PHB1: variants seen among roughly 807,000 people sequenced by gnomAD.
PHB1 encodes epididymis luminal protein 215.
chr17:49,413,480 TG>T, the PHB1 span, among the ~76,000 whole-genome samples: 1 of 119,572 alleles, frequency 8.4e-6, no homozygotes, highest in Non-Finnish European at 1.7e-5. Flanking sequence ...TCAATTCTTC[TG>T]CTTTTTTTTT....
the PHB1 span, chr17:49,405,309 G>A: frequency 1.1e-6 from 1 of 931,558 alleles, no homozygotes; most frequent in South Asian, 1.6e-5. Flanking sequence ...GCTCCTGAAG[G>A]AACTCGGGGA....
chr17:49,408,977 T>G, the PHB1 span: 4 of 981,136 alleles, frequency 4.1e-6, no homozygotes, highest in Non-Finnish European at 6.2e-6. Context: ...TACCCAGAAA[T>G]GGAGCCAGGC....
At chr17:49,409,591 G>T in the PHB1 span, 1 of 773,638 alleles carries the variant, frequency 1.3e-6, no homozygotes, top group East Asian at 2.8e-5. Context: ...GCCTAGGCTG[G>T]AGTACAATGG....
the PHB1 span, among the ~76,000 whole-genome samples, chr17:49,413,524 T>C: frequency 0.02 from 3,093 of 151,024 alleles, 113 homozygotes; most frequent in African/African-American, 0.072. Flanking sequence ...TTTTTTTTTT[T>C]TGGAGACAGG....
the PHB1 span, chr17:49,408,952 G>A: frequency 2.6e-6 from 2 of 761,228 alleles, no homozygotes; most frequent in Non-Finnish European, 4.5e-6. Context: ...GCAGAAGGGA[G>A]GACCTAATAG....
At chr17:49,409,533 T>A in the PHB1 span, 1 of 1,099,038 alleles carries the variant, frequency 9.1e-7, no homozygotes, top group Non-Finnish European at 1.2e-6. Flanking sequence ...AAAACAAGTG[T>A]TTTTTTTTTG....
the PHB1 span, chr17:49,412,776 GTCACCC>G: frequency 6.1e-6 from 1 of 164,296 alleles, no homozygotes; most frequent in African/African-American, 2.4e-5. Context: ...TCAGGACAAG[GTCACCC>G]AAACAGATCT....
the PHB1 span, among the ~76,000 whole-genome samples, chr17:49,406,249 G>A: frequency 6.6e-6 from 1 of 152,178 alleles, no homozygotes; most frequent in South Asian, 2.1e-4. Context: ...CTGGTGGTGG[G>A]AAGAAGGGGA....
chr17:49,408,536 C>T, the PHB1 span, among the ~76,000 whole-genome samples: 9,546 of 152,286 alleles, frequency 0.063, 674 homozygotes, highest in African/African-American at 0.17. Flanking sequence ...TGTCCCTTGC[C>T]CCCTATACCA....
At chr17:49,407,738 A>G in the PHB1 span, among the ~76,000 whole-genome samples, 1 of 152,216 alleles carries the variant, frequency 6.6e-6, no homozygotes, top group Non-Finnish European at 1.5e-5. Context: ...TTAAAAAAGC[A>G]GCTCCAAACT....
At chr17:49,409,259 GC>G in the PHB1 span, 1 of 1,601,166 alleles carries the variant, frequency 6.2e-7, no homozygotes, top group Middle Eastern at 1.7e-4. Context: ...CCACTGCCAA[GC>G]GCTTCCTGCC....
chr17:49,413,368 C>CT, the PHB1 span: 1 of 762,514 alleles, frequency 1.3e-6, no homozygotes, highest in Admixed American at 2.1e-5. Context: ...ACACAACAGT[C>CT]ACTTTTCAAC....
At chr17:49,414,773 G>A in the PHB1 span, 1 of 152,228 alleles carries the variant, frequency 6.6e-6, no homozygotes, top group African/African-American at 2.4e-5. Flanking sequence ...TGCACATCAT[G>A]GAGCAGAGGA....
At chr17:49,413,839 TA>T in the PHB1 span, among the ~76,000 whole-genome samples, 2 of 152,128 alleles carry the variant, frequency 1.3e-5, no homozygotes, top group Admixed American at 1.3e-4. Context: ...CCATTTAAAG[TA>T]AGGTGTCTGG....
the PHB1 span, among the ~76,000 whole-genome samples, chr17:49,410,065 T>C: frequency 1.3e-4 from 19 of 151,806 alleles, no homozygotes; most frequent in Admixed American, 1.2e-3. Context: ...GTACTTTTTG[T>C]AGAGCTGGGG....
the PHB1 span, chr17:49,412,684 C>CT: frequency 6.5e-6 from 1 of 154,834 alleles, no homozygotes; most frequent in Non-Finnish European, 1.4e-5. Context: ...AACCTCCCTC[C>CT]TACACTGTTA....
At chr17:49,410,179 G>T in the PHB1 span, among the ~76,000 whole-genome samples, 3 of 152,224 alleles carry the variant, frequency 2.0e-5, no homozygotes, top group Admixed American at 2.0e-4. Context: ...CATTACGCCT[G>T]GCAATTTTTA....
chr17:49,413,250 C>G, the PHB1 span: 2 of 1,608,332 alleles, frequency 1.2e-6, no homozygotes, highest in Non-Finnish European at 8.5e-7. Context: ...TGGACTCAAA[C>G]ACTTTGGCAG....
At chr17:49,405,539 A>T in the PHB1 span, among the ~76,000 whole-genome samples, 1 of 152,192 alleles carries the variant, frequency 6.6e-6, no homozygotes. Context: ...GCCAAGGAAA[A>T]CAGAAGCAAA....
Sources: allele counts gnomAD v4.1 joint callset (sites outside exome capture counted in the v4.1 genomes callset), GRCh38; gene constraint gnomAD v4.1.1; transcripts MANE v1.5; gene names NCBI Gene and HGNC (gene_info 2026-07-23, HGNC 2026-07-21).